Variants in AGBL3 observed in about 807,000 individuals in gnomAD.
The protein encoded by AGBL3 is cytosolic carboxypeptidase 3.
In AGBL3, 68 loss-of-function variants were observed where a neutral mutation model predicts 94.5. That is an observed-to-expected ratio of 0.72 (90% CI 0.59 to 0.88). The LOEUF (loss-of-function observed/expected upper bound fraction) is 0.88. Among genes scored for constraint, AGBL3 ranks in the 40% least tolerant of loss-of-function variants. The pLI, the probability that AGBL3 is intolerant of heterozygous loss-of-function variation, is 0.00. For missense variants in AGBL3, 934 were observed against 1,103.8 expected, an observed-to-expected ratio of 0.85 and a Z score of 2.18; for synonymous variants, 354 against 370.7, an observed-to-expected ratio of 0.95 and a Z score of 0.52.
intron 16 of AGBL3, among the ~76,000 whole-genome samples, chr7:135,128,291 C>CAAAAAAAAAAAAA (rs61217008): frequency 1.7e-5 from 1 of 58,070 alleles, no homozygotes; most frequent in African/African-American, 8.1e-5. Flanking sequence ...GACTCCATCT[C>CAAAAAAAAAAAAA]AAAAAAAAAA....
chr7:135,039,690 G>A (rs181023791), intron 8 of AGBL3, among the ~76,000 whole-genome samples: 15 of 151,954 alleles, frequency 9.9e-5, no homozygotes, highest in African/African-American at 3.1e-4. Context: ...AGCCAAGGTC[G>A]TACCACTGTA....
chr7:134,990,409 T>A (rs189743320), intron 3 of AGBL3, among the ~76,000 whole-genome samples: 74 of 152,362 alleles, frequency 4.9e-4, no homozygotes, highest in African/African-American at 1.6e-3. Flanking sequence ...GATTTATCCA[T>A]GTTGTTGCAT....
In AGBL3 at chr7:135,024,301, C is replaced by T. The variant is rs981592423; in HGVS notation, c.418+7142C>T. Among the ~76,000 whole-genome samples, 12 of 152,180 alleles carry T rather than the reference C, an allele frequency of 7.9e-5. No individual in the cohort carries two copies. The East Asian group carries it at 2.3e-3, about 29-fold the overall frequency. On this transcript the variant is annotated intron_variant, in intron 5 of 16. Transcript: ENST00000436302. ...CAGGTGTGCTGCAATACAAAAGAGC[C>T]CTATGGCTAAGAGCTTCTCTGCTGG...
In AGBL3 at chr7:135,119,231, TA is replaced by T. The variant is rs200887054; in HGVS notation, c.2342+3623del. 2.9e-3 allele frequency among the ~76,000 whole-genome samples: 436 copies of T among 151,166 alleles called. 1 individual carries two copies. The highest frequency in any genetic ancestry group is 4.9e-3 in the Non-Finnish European group (331 of 67,648). On this transcript the variant is annotated intron_variant, in intron 16 of 16. Coordinates refer to ENST00000436302, the MANE Select transcript of AGBL3 (RefSeq NM_178563.4). ...ATTCATGCCAAGATACCCCAAAATTTAAATTTTTTTTTTTTTGAGACAAAGT... is the reference window on the plus strand; with the variant it reads ...ATTCATGCCAAGATACCCCAAAATTTAATTTTTTTTTTTTTGAGACAAAGT...
chr7:135,072,935 A>C (rs1312133337), intron 12 of AGBL3, among the ~76,000 whole-genome samples: 2 of 151,942 alleles, frequency 1.3e-5, no homozygotes, highest in African/African-American at 4.8e-5. Flanking sequence ...ATAAAAATAA[A>C]ATTAAAAAAA....
At chr7:135,080,897 A>G (rs1224590951) in intron 14 of AGBL3, among the ~76,000 whole-genome samples, 1 of 150,462 alleles carries the variant, frequency 6.6e-6, no homozygotes, top group Non-Finnish European at 1.5e-5. Context: ...TTTATTGTAC[A>G]TTTTTATCTA....
At chr7:135,004,967 C>T (rs1005385205) in intron 4 of AGBL3, among the ~76,000 whole-genome samples, 1 of 151,478 alleles carries the variant, frequency 6.6e-6, no homozygotes, top group Non-Finnish European at 1.5e-5. Context: ...GTATTAACTT[C>T]TTACTTCCCA....
chr7:135,028,267 T>G (rs1302323478), intron 5 of AGBL3, among the ~76,000 whole-genome samples: 1 of 151,556 alleles, frequency 6.6e-6, no homozygotes, highest in African/African-American at 2.4e-5. Flanking sequence ...CATGAAAGAT[T>G]TCTCTGTAGC....
rs1313927915 is a variant in AGBL3, at chr7:135,037,647, C to T, written c.1500+67C>T. On this transcript the variant is annotated intron_variant, in intron 8 of 16. Transcript: ENST00000436302. ...TTGCCCATGTGAGATAGCAGAATGG[C>T]CCACGTGGATAATACTATTCCAAAC... The T allele has an allele frequency of 3.8e-6, 5 of 1,315,962 alleles. No homozygotes were observed. In the Admixed American group the frequency reaches 8.6e-5, roughly 23 times the overall value. 81.5% of individuals were successfully genotyped at this position (1,315,962 alleles called of 1,614,324 possible).
In AGBL3 at chr7:134,991,047, T is replaced by C. The variant is rs528964570; in HGVS notation, c.124+1737T>C. ...TCTGTAAGCCTTTGCTATGCTTATT[T>C]GGTTCTTTCCCATGCCAGTGTAGTT... On this transcript the variant is annotated intron_variant, in intron 3 of 16. Transcript: ENST00000436302. 2.0e-5 allele frequency among the ~76,000 whole-genome samples: 3 copies of C among 152,282 alleles called. No individual in the cohort carries two copies. The South Asian group carries it at 6.2e-4, about 32-fold the overall frequency.
In AGBL3 at chr7:135,034,749, T is replaced by C. The variant is rs185825693; in HGVS notation, c.1158T>C (p.Ser386=). 98 of 1,551,468 alleles carry C rather than the reference T, an allele frequency of 6.3e-5. No homozygotes were observed. Among genetic ancestry groups the C allele is most frequent in the Admixed American group, 3.7e-4 (19 of 50,946 alleles). The change falls in exon 7 of 17, where the codon AGT becomes AGC. Residue 386 remains serine (S), a synonymous_variant. Coordinates refer to ENST00000436302, the MANE Select transcript of AGBL3 (RefSeq NM_178563.4). ...TAGATTATATTTTAGGAAACTCAAGTGATGCACAGTTGCTTCGGGACACTT... is the reference window on the plus strand; with the variant it reads ...TAGATTATATTTTAGGAAACTCAAGCGATGCACAGTTGCTTCGGGACACTT... ...GFLDYILGNS[S]DAQLLRDTFV... is the part of the protein sequence containing the mutation.
At chr7:135,100,243 A>G (rs964027635) in intron 15 of AGBL3, among the ~76,000 whole-genome samples, 1 of 152,058 alleles carries the variant, frequency 6.6e-6, no homozygotes, top group African/African-American at 2.4e-5. Flanking sequence ...AGCACTTTAG[A>G]ATGAATGACA....
chr7:135,067,406 C>T (rs1032604951), intron 12 of AGBL3, among the ~76,000 whole-genome samples: 12 of 152,188 alleles, frequency 7.9e-5, no homozygotes, highest in Admixed American at 4.6e-4. Context: ...TCTCACAGCA[C>T]GCAACTGGAG....
At position 135,037,583 on chromosome 7, in the gene AGBL3, A is replaced by G. The variant is rs1467450386; in HGVS notation, c.1500+3A>G. The G allele has an allele frequency of 1.3e-6, 2 of 1,535,592 alleles. No individual in the cohort carries two copies. The highest frequency in any genetic ancestry group is 1.8e-6 in the Non-Finnish European group (2 of 1,140,432). On this transcript the variant is annotated splice_donor_region_variant and intron_variant, in intron 8 of 16. Coordinates refer to ENST00000436302, the MANE Select transcript of AGBL3 (RefSeq NM_178563.4). ...TAAGCAAAAATTGTCCAGATAAAGT[A>G]AGCACCTTTTAAGGTATTAACTTTT...
intron 11 of AGBL3, among the ~76,000 whole-genome samples, chr7:135,054,762 C>T (rs1818189825): frequency 6.6e-6 from 1 of 152,090 alleles, no homozygotes; most frequent in East Asian, 1.9e-4. Context: ...TTGTATGTTT[C>T]CTTATTTCCA....
chr7:135,132,826 C>A (rs1339768188), intron 16 of AGBL3, among the ~76,000 whole-genome samples: 1 of 152,144 alleles, frequency 6.6e-6, no homozygotes, highest in Non-Finnish European at 1.5e-5. Context: ...GTCAATTAAA[C>A]CTTTTTCCTT....
chr7:135,109,542 C>T (rs1389401301), intron 15 of AGBL3, among the ~76,000 whole-genome samples: 1 of 152,072 alleles, frequency 6.6e-6, no homozygotes, highest in African/African-American at 2.4e-5. Flanking sequence ...CTTGTCACCT[C>T]GGATTTTTCA....
intron 4 of AGBL3, among the ~76,000 whole-genome samples, chr7:135,014,146 A>G (rs1283906695): frequency 1.4e-5 from 2 of 139,212 alleles, no homozygotes; most frequent in African/African-American, 5.4e-5. Context: ...CAGTGAGCTG[A>G]GATCATGCCA....
chr7:134,997,967 C>T (rs945960180), intron 4 of AGBL3, among the ~76,000 whole-genome samples: 35 of 152,162 alleles, frequency 2.3e-4, no homozygotes, highest in African/African-American at 8.4e-4. Context: ...TAGAAATTAA[C>T]TCATAATTAA....
Sources: gnomAD v4.1 joint callset for allele counts (sites outside exome capture counted in the v4.1 genomes callset) on GRCh38, gnomAD v4.1.1 for gene constraint, MANE v1.5 for transcripts, NCBI Gene and HGNC (gene_info 2026-07-23, HGNC 2026-07-21) for gene names.